The following RAPGEF2 variants were observed in gnomAD, a reference collection of about 807,000 sequenced individuals.
RAPGEF2 encodes the protein Rap guanine nucleotide exchange factor 2, also known as PDZ domain containing guanine nucleotide exchange factor (GEF) 1.
A neutral mutation model predicts 186.7 loss-of-function variants in RAPGEF2; 54 were observed. That is an observed-to-expected ratio of 0.29 (90% confidence interval 0.23 to 0.36). The LOEUF (loss-of-function observed/expected upper bound fraction) is 0.36, where lower values mean the gene tolerates loss of function less well. Among genes scored for constraint, RAPGEF2 ranks in the 10% least tolerant of loss-of-function variants. The pLI, the probability that RAPGEF2 is intolerant of heterozygous loss-of-function variation, is 1.00. For synonymous variants in RAPGEF2, 712 were observed against 705.9 expected (o/e 1.01, Z -0.14); for missense variants, 1,532 against 2,045.0 (o/e 0.75, Z 4.84).
intron 17 of RAPGEF2, 98 bp downstream of exon 17, chr4:159,332,795 G>T (rs80202817): frequency 7.2e-6 from 10 of 1,386,866 alleles, no homozygotes. Context: ...TCTGAAAACT[G>T]TTCTAGGTTT....
At chr4:159,164,715 A>G (rs1579347420) in intron 1 of RAPGEF2, among the ~76,000 whole-genome samples, 1 of 152,178 alleles carries the variant, frequency 6.6e-6, no homozygotes. Context: ...TTGAAACAGT[A>G]AGCTTGAAAC....
At chr4:159,215,231 G>A (rs1314455951) in intron 4 of RAPGEF2, among the ~76,000 whole-genome samples, 2 of 152,104 alleles carry the variant, frequency 1.3e-5, no homozygotes, top group Non-Finnish European at 2.9e-5. Context: ...TGAGTGCAGT[G>A]GCGCAATCTT....
intron 7 of RAPGEF2, among the ~76,000 whole-genome samples, chr4:159,268,873 T>A (rs1757754963): frequency 1.3e-5 from 2 of 152,206 alleles, no homozygotes; most frequent in African/African-American, 4.8e-5. Context: ...GAATGTGAGT[T>A]CTCATGGTGC....
intron 4 of RAPGEF2, among the ~76,000 whole-genome samples, chr4:159,237,955 C>A (rs1354401806): frequency 6.7e-6 from 1 of 148,730 alleles, no homozygotes; most frequent in Non-Finnish European, 1.5e-5. Context: ...GAGTTCAAGG[C>A]TGCAGTGAGC....
Position 159,331,851 on chromosome 4 carries a change from T to A in RAPGEF2, c.1779+18T>A, listed in dbSNP as rs1766721883. On this transcript the variant is annotated intron_variant, in intron 15 of 29. Coordinates refer to ENST00000691494, the MANE Select transcript of RAPGEF2 (RefSeq NM_001394067.2). ...GGGATCAGGTATGCCATTTCTAAACTCATTTAAGGGTGAATTTTGGTGTCT... is the reference window on the plus strand; with the variant it reads ...GGGATCAGGTATGCCATTTCTAAACACATTTAAGGGTGAATTTTGGTGTCT... 6.2e-7 allele frequency: 1 copy of A among 1,612,672 alleles called. No homozygotes were observed. The highest frequency in any genetic ancestry group is 2.2e-5 in the East Asian group (1 of 44,868).
In RAPGEF2 at chr4:159,195,782, G is replaced by A. The variant is rs192633854; in HGVS notation, c.197+2526G>A. ...TCTCCTAAAGTGGCAACTGAAACCC[G>A]CCAGCAGCTCATGCTACATTATGAC... is the stretch of plus-strand genomic sequence containing the variant. On this transcript the variant is annotated intron_variant, in intron 3 of 29. Transcript: ENST00000691494. 1.0e-4 allele frequency among the ~76,000 whole-genome samples: 15 copies of A among 150,532 alleles called. No homozygotes were observed. The South Asian group carries it at 1.9e-3, about 19-fold the overall frequency.
At chr4:159,250,179 TTTTAAG>T (rs1412923471) in intron 7 of RAPGEF2, among the ~76,000 whole-genome samples, 3 of 152,190 alleles carry the variant, frequency 2.0e-5, no homozygotes, top group Non-Finnish European at 2.9e-5. Context: ...TCTTCCTTTC[TTTTAAG>T]TAGAAGACAG....
chr4:159,289,340 G>A (rs1760903007), intron 7 of RAPGEF2, among the ~76,000 whole-genome samples: 1 of 152,176 alleles, frequency 6.6e-6, no homozygotes, highest in South Asian at 2.1e-4. Context: ...AATATGTTGA[G>A]TTCAGAAGTT....
chr4:159,104,514 G>C (rs1249950529), intron 1 of RAPGEF2, among the ~76,000 whole-genome samples: 4 of 130,854 alleles, frequency 3.1e-5, no homozygotes, highest in Admixed American at 7.6e-5. Context: ...GAGAGAGAGA[G>C]AGAGAGAGAG....
chr4:159,288,008 G>GT (rs1211130492), intron 7 of RAPGEF2, among the ~76,000 whole-genome samples: 1 of 152,122 alleles, frequency 6.6e-6, no homozygotes, highest in Non-Finnish European at 1.5e-5. Flanking sequence ...CAACTGTCTT[G>GT]TTAGGTAGGC....
At chr4:159,338,016 A>G (rs1767709213) in intron 17 of RAPGEF2, among the ~76,000 whole-genome samples, 1 of 151,772 alleles carries the variant, frequency 6.6e-6, no homozygotes, top group Non-Finnish European at 1.5e-5. Context: ...GCACTTTGGG[A>G]GGCCACAGCA....
chr4:159,114,288 G>C (rs894334664), intron 1 of RAPGEF2, among the ~76,000 whole-genome samples: 12 of 152,114 alleles, frequency 7.9e-5, no homozygotes, highest in Admixed American at 1.3e-4. Flanking sequence ...ATTTTTAGTA[G>C]AGACAGGGTT....
intron 1 of RAPGEF2, among the ~76,000 whole-genome samples, chr4:159,166,123 G>A (rs577540970): frequency 1.3e-5 from 2 of 152,174 alleles, no homozygotes; most frequent in East Asian, 3.9e-4. Flanking sequence ...AACCAGCCTG[G>A]CCAACATGAC....
At chr4:159,328,682 A>G (rs1287363892) in intron 11 of RAPGEF2, 1 of 152,164 alleles carries the variant, frequency 6.6e-6, no homozygotes, top group Non-Finnish European at 1.5e-5. Context: ...GTGCATGTAT[A>G]ATTTATTTTA....
At chr4:159,357,802 G>A (rs1412280349) in intron 29 of RAPGEF2, among the ~76,000 whole-genome samples, 4 of 152,058 alleles carry the variant, frequency 2.6e-5, no homozygotes, top group African/African-American at 7.2e-5. Context: ...GTATCTGATC[G>A]TATATTTTTT....
At chr4:159,183,495 T>G (rs990719565) in intron 1 of RAPGEF2, among the ~76,000 whole-genome samples, 4 of 152,224 alleles carry the variant, frequency 2.6e-5, no homozygotes, top group Non-Finnish European at 5.9e-5. Context: ...ATTGGGATCT[T>G]GGATTAGGTA....
At chr4:159,327,204 A>G (rs1766042619) in intron 11 of RAPGEF2, 1 of 152,244 alleles carries the variant, frequency 6.6e-6, no homozygotes, top group Non-Finnish European at 1.5e-5. Flanking sequence ...GTCATGCCCA[A>G]AGGAAAATAA....
intron 20 of RAPGEF2, 139 bp downstream of exon 20, chr4:159,342,086 C>A: frequency 1.1e-6 from 1 of 888,156 alleles, no homozygotes; most frequent in Non-Finnish European, 1.6e-6. Flanking sequence ...TTCTCTGAAT[C>A]CTAACCTTAA....
At chr4:159,105,205 G>T (rs976365181) in intron 1 of RAPGEF2, among the ~76,000 whole-genome samples, 1 of 152,166 alleles carries the variant, frequency 6.6e-6, no homozygotes, top group East Asian at 1.9e-4. Flanking sequence ...GCGTTGGGAT[G>T]GTGACTATAG....
Sources: allele counts gnomAD v4.1 joint callset (sites outside exome capture counted in the v4.1 genomes callset), GRCh38; gene constraint gnomAD v4.1.1; transcripts MANE v1.5; gene names NCBI Gene and HGNC (gene_info 2026-07-23, HGNC 2026-07-21).